Variants in XRCC1 observed in about 807,000 individuals in gnomAD.
The protein encoded by XRCC1 is DNA repair protein XRCC1.
Under a neutral mutation model 83.3 loss-of-function variants are expected in XRCC1, and 52 were observed. That is an observed-to-expected ratio of 0.62 (90% CI 0.50 to 0.79). XRCC1 has a LOEUF of 0.79. XRCC1 is among the 30% of genes least tolerant of loss of function. The pLI, the probability that XRCC1 is intolerant of heterozygous loss-of-function variation, is 0.00. For synonymous variants in XRCC1, 281 were observed against 312.6 expected (o/e 0.90, Z 1.07); for missense variants, 793 against 823.5 (o/e 0.96, Z 0.45).
chr19:43,574,861 C>A (rs751177886), intron 2 of XRCC1, 49 bp downstream of exon 2: 7 of 1,503,220 alleles, frequency 4.7e-6, no homozygotes, highest in Non-Finnish European at 6.5e-6. Flanking sequence ...GAATCTGGAA[C>A]CCCGGACTCC....
intron 3 of XRCC1, among the ~76,000 whole-genome samples, chr19:43,559,617 C>T (rs1972676798): frequency 6.6e-6 from 1 of 150,908 alleles, no homozygotes; most frequent in South Asian, 2.1e-4. Context: ...TAGAAGAAAA[C>T]ATAGGAGACA....
intron 2 of XRCC1, among the ~76,000 whole-genome samples, chr19:43,566,389 C>T (rs1972753058): frequency 1.3e-5 from 2 of 150,912 alleles, no homozygotes; most frequent in Non-Finnish European, 3.0e-5. Flanking sequence ...AAAAATTAAC[C>T]AGGCATGGTG....
intron 14 of XRCC1, among the ~76,000 whole-genome samples, chr19:43,544,449 C>T (rs1352722671): frequency 6.6e-6 from 1 of 151,942 alleles, no homozygotes; most frequent in Non-Finnish European, 1.5e-5. Flanking sequence ...GTAGAAGATA[C>T]AATGCCTATT....
intron 2 of XRCC1, among the ~76,000 whole-genome samples, chr19:43,563,130 C>T (rs575277357): frequency 2.0e-5 from 3 of 152,346 alleles, no homozygotes; most frequent in Admixed American, 6.5e-5. Flanking sequence ...GACTCCCCTG[C>T]CTCCACCGCC....
At chr19:43,563,495 A>AAAC (rs893727767) in intron 2 of XRCC1, among the ~76,000 whole-genome samples, 6 of 152,096 alleles carry the variant, frequency 3.9e-5, no homozygotes, top group African/African-American at 7.2e-5. Context: ...TCTGTCTCAA[A>AAAC]AACAACAACA....
chr19:43,566,292 G>A (rs1432050759), intron 2 of XRCC1, among the ~76,000 whole-genome samples: 2 of 151,626 alleles, frequency 1.3e-5, no homozygotes, highest in African/African-American at 2.4e-5. Context: ...TAGCACTTCG[G>A]GAGGCAGAGG....
chr19:43,551,776 G>C (rs923152824), intron 9 of XRCC1, 89 bp from the exon 10 acceptor site: 42 of 1,115,080 alleles, frequency 3.8e-5, no homozygotes, highest in South Asian at 5.1e-5. Flanking sequence ...GAGAGAGAGA[G>C]AGACAGACAG....
intron 8 of XRCC1, among the ~76,000 whole-genome samples, chr19:43,552,508 C>T (rs1463285643): frequency 6.6e-6 from 1 of 150,456 alleles, no homozygotes; most frequent in African/African-American, 2.4e-5. Flanking sequence ...GTCCAGGCCC[C>T]CAGCCCCTCC....
At position 43,553,620 on chromosome 19, in the gene XRCC1, C is replaced by T; in HGVS notation, c.478G>A (p.Ala160Thr). ...HSPPDKDEAE[A>T]PSQKVTVTKL... is the part of the protein sequence containing the mutation. ...CAGGTACAGCTTACCTGGGACGGGG[C>T]CTCTGCCTCATCTTTGTCTGGGGGG... is the stretch of plus-strand genomic sequence containing the variant. Residue 160 changes from alanine to threonine, a missense_variant, in exon 5 of 17, where the codon GCC (alanine) becomes ACC (threonine). Ala to Thr is a moderately conservative substitution (Grantham distance 58). Coordinates refer to ENST00000262887, the MANE Select transcript of XRCC1 (RefSeq NM_006297.3). 6.3e-7 allele frequency: 1 copy of T among 1,591,604 alleles called. No individual in the cohort carries two copies. Among genetic ancestry groups the T allele is most frequent in the Non-Finnish European group, 8.6e-7 (1 of 1,164,350 alleles).
chr19:43,544,137 GACT>G lies in XRCC1; in HGVS notation c.1712+4_1712+6del, dbSNP rs1291133171. 2 of 1,602,240 alleles carry G rather than the reference GACT, an allele frequency of 1.2e-6. No individual in the cohort carries two copies. The highest frequency in any genetic ancestry group is 1.7e-6 in the Non-Finnish European group (2 of 1,174,028). ...CCCCTTCCCCACCCCAGTCCCTGGA[GACT>G]CACCCATTGAAGGCTGTGACGTATC... On this transcript the variant is annotated splice_donor_5th_base_variant and intron_variant, in intron 15 of 16. Coordinates refer to ENST00000262887, the MANE Select transcript of XRCC1 (RefSeq NM_006297.3).
chr19:43,564,559 C>T (rs1186229349), intron 2 of XRCC1, among the ~76,000 whole-genome samples: 2 of 152,136 alleles, frequency 1.3e-5, no homozygotes, highest in Non-Finnish European at 2.9e-5. Flanking sequence ...GAGACTGAGG[C>T]AGGCGGATCA....
At position 43,554,782 on chromosome 19, in the gene XRCC1, A is replaced by C; in HGVS notation, c.278T>G (p.Phe93Cys). Residue 93 changes from phenylalanine to cysteine, a missense_variant, in exon 4 of 17, where the codon TTC becomes TGC. Coordinates refer to ENST00000262887, the MANE Select transcript of XRCC1 (RefSeq NM_006297.3). ...DYEVLLVTSS[F>C]MSPSESRSGS... ...ACTGCGGCTCTCGGAAGGGGACATG[A>C]AAGATGAGGTGACCAGAAGGACCTG... The C allele has an allele frequency of 1.2e-6, 2 of 1,612,618 alleles. No individual in the cohort carries two copies. Among genetic ancestry groups the C allele is most frequent in the Non-Finnish European group, 1.7e-6 (2 of 1,178,874 alleles).
At chr19:43,567,686 T>C (rs929504687) in intron 2 of XRCC1, among the ~76,000 whole-genome samples, 12 of 152,070 alleles carry the variant, frequency 7.9e-5, no homozygotes, top group African/African-American at 2.7e-4. Flanking sequence ...GAGTGCTCAG[T>C]ATGTATCAGC....
At chr19:43,546,235 G>C (rs1450287792) in intron 12 of XRCC1, 129 bp from the exon 13 acceptor site, 1 of 1,070,194 alleles carries the variant, frequency 9.3e-7, no homozygotes, top group African/African-American at 1.6e-5. Flanking sequence ...CCAGTCGTCT[G>C]GGCCCCCAGC....
chr19:43,551,511 C>T (rs1452189981), intron 10 of XRCC1, 60 bp downstream of exon 10: 4 of 1,469,186 alleles, frequency 2.7e-6, no homozygotes, highest in African/African-American at 1.4e-5. Context: ...TGACTCCCCT[C>T]CAGATTCCTG....
At position 43,543,347 on chromosome 19, in the gene XRCC1, T is replaced by C; in HGVS notation, c.*45A>G. 8.9e-6 allele frequency: 7 copies of C among 790,688 alleles called. No individual in the cohort carries two copies. The South Asian group carries it at 1.3e-4, about 15-fold the overall frequency. 49.0% of individuals were successfully genotyped at this position (790,688 alleles called of 1,614,324 possible). Reference sequence around the variant, plus strand: ...TCATCTTTATTAAATGCATCGTGTGTGTGTGTGTGTGTGTGTGTGTGTGTG... The same window carrying C: ...TCATCTTTATTAAATGCATCGTGTGCGTGTGTGTGTGTGTGTGTGTGTGTG... On this transcript the variant is annotated 3_prime_UTR_variant, in exon 17 of 17. Transcript: ENST00000262887.
rs1450067363 is a variant in XRCC1 at position 43,552,844 on chromosome 19, C to T, written c.776G>A (p.Ser259Asn). 2 of 1,613,402 alleles carry T rather than the reference C, an allele frequency of 1.2e-6. No individual in the cohort carries two copies. The highest frequency in any genetic ancestry group is 2.7e-5 in the African/African-American group (2 of 74,888). ...DLNQEEKKTP[S>N]KPPAQLSPSV... Reference sequence around the variant, plus strand: ...TGGCGACAGCTGGGCTGGTGGTTTGCTGGGGGTCTTCTTTTCTTCTTGGTT... The same window carrying T: ...TGGCGACAGCTGGGCTGGTGGTTTGTTGGGGGTCTTCTTTTCTTCTTGGTT... The change falls in exon 8 of 17, where the codon AGC becomes AAC. Residue 259 changes from serine (S) to asparagine (N), a missense_variant. Ser to Asn is a conservative substitution (Grantham distance 46). Transcript: ENST00000262887.
intron 15 of XRCC1, 40 bp from the exon 16 acceptor site, chr19:43,543,727 G>C (rs746506429): frequency 6.3e-7 from 1 of 1,591,206 alleles, no homozygotes; most frequent in Non-Finnish European, 8.6e-7. Context: ...GCACATCAGG[G>C]AATCAGCACT....
In XRCC1 at chr19:43,545,694, T is replaced by C. The variant is rs3213390; in HGVS notation, c.1621+124A>G. 2,076 of 1,292,456 alleles carry C rather than the reference T, an allele frequency of 1.6e-3. 30 individuals are homozygous for C. In the African/African-American group the frequency reaches 0.028, roughly 17 times the overall value. 80.1% of individuals were successfully genotyped at this position (1,292,456 alleles called of 1,614,324 possible). ...TGAAGGTGCTGAGGCAGGGAGTGGG[T>C]TGAGGAAGGAGAGGGGAGGCAAGAC... On this transcript the variant is annotated intron_variant, in intron 14 of 16. Coordinates refer to ENST00000262887, the MANE Select transcript of XRCC1 (RefSeq NM_006297.3).
Sources: gnomAD v4.1 joint callset for allele counts (sites outside exome capture counted in the v4.1 genomes callset) on GRCh38, gnomAD v4.1.1 for gene constraint, MANE v1.5 for transcripts, NCBI Gene and HGNC (gene_info 2026-07-23, HGNC 2026-07-21) for gene names.